PIWIL1: variants seen among roughly 807,000 people sequenced by gnomAD.
The protein encoded by PIWIL1 is piwi-like protein 1.
In PIWIL1, 73 loss-of-function variants were observed where a neutral mutation model predicts 114.4. The observed-to-expected ratio is 0.64, with a 90% CI of 0.53 to 0.78. The LOEUF (loss-of-function observed/expected upper bound fraction) is 0.78, where lower values mean the gene tolerates loss of function less well. PIWIL1 is among the 30% of genes least tolerant of loss of function. The pLI is 0.00. For missense variants in PIWIL1, 723 were observed against 1,063.1 expected (o/e 0.68, Z 4.45); for synonymous variants, 375 against 369.0 (o/e 1.02, Z -0.19).
chr12:130,389,172 T>C, the PIWIL1 span, among the ~76,000 whole-genome samples: 1 of 152,150 alleles, frequency 6.6e-6, no homozygotes, highest in Admixed American at 6.5e-5. Flanking sequence ...TGGTTCTTTT[T>C]TTTAAATATA....
chr12:130,357,215 G>C, intron 13 of PIWIL1, 110 bp downstream of exon 13: 2 of 892,978 alleles, frequency 2.2e-6, no homozygotes, highest in Non-Finnish European at 3.4e-6. Context: ...GTTTGATGTG[G>C]CTCCCTGTAA....
downstream of PIWIL1, among the ~76,000 whole-genome samples, chr12:130,374,491 C>G (rs145738252): frequency 1.2e-3 from 188 of 152,268 alleles, no homozygotes; most frequent in African/African-American, 3.7e-3. Flanking sequence ...CAAGAGTAGT[C>G]AGGAGGGAGT....
chr12:130,412,851 C>A, the PIWIL1 span: 1 of 1,455,926 alleles, frequency 6.9e-7, no homozygotes, highest in Non-Finnish European at 9.4e-7. Flanking sequence ...ACAATAGTCC[C>A]ACTGACGGTA....
chr12:130,365,914 C>T (rs533328069), intron 18 of PIWIL1, among the ~76,000 whole-genome samples: 58 of 152,212 alleles, frequency 3.8e-4, no homozygotes, highest in Non-Finnish European at 6.3e-4. Flanking sequence ...GCTATTAGCA[C>T]GGGCAGTCGC....
chr12:130,355,690 T>C lies in PIWIL1; in HGVS notation c.1404+23T>C, dbSNP rs149337316. ...ACAGTAAGGCAGTTTTTCGTTGGTG[T>C]TGTTGTTGTTTTTGAGACGGAGTCT... On this transcript the variant is annotated intron_variant, in intron 12 of 20. Transcript: ENST00000245255. 4 of 1,508,824 alleles carry C rather than the reference T, an allele frequency of 2.7e-6. No homozygotes were observed. In the South Asian group the frequency reaches 4.5e-5, roughly 17 times the overall value. 93.5% of individuals were successfully genotyped at this position (1,508,824 alleles called of 1,614,324 possible).
the PIWIL1 span, among the ~76,000 whole-genome samples, chr12:130,402,777 C>T: frequency 3.5e-4 from 53 of 152,336 alleles, no homozygotes; most frequent in African/African-American, 1.1e-3. Context: ...GACATCCACT[C>T]GTGTTTGCAC....
the PIWIL1 span, chr12:130,414,006 G>C: frequency 9.2e-7 from 1 of 1,086,890 alleles, no homozygotes; most frequent in South Asian, 1.4e-5. Flanking sequence ...CCCGTGCCTC[G>C]CCCATGGCCT....
the PIWIL1 span, among the ~76,000 whole-genome samples, chr12:130,379,476 TCATCCCAGTTCC>T: frequency 1.1e-5 from 1 of 88,022 alleles, no homozygotes. Context: ...TTCAATTCCC[TCATCCCAGTTCC>T]CATCCAAGCA....
At chr12:130,362,315 CA>C (rs1306590751) in intron 16 of PIWIL1, among the ~76,000 whole-genome samples, 17 of 152,146 alleles carry the variant, frequency 1.1e-4, no homozygotes, top group African/African-American at 4.1e-4. Context: ...TAAGTGAAAA[CA>C]GGTGGTATTT....
At position 130,348,445 on chromosome 12, in the gene PIWIL1, C is replaced by T. The variant is rs367923023; in HGVS notation, c.734+262C>T. 2.0e-5 allele frequency among the ~76,000 whole-genome samples: 3 copies of T among 152,240 alleles called. No individual in the cohort carries two copies. The South Asian group carries it at 6.2e-4, about 32-fold the overall frequency. On this transcript the variant is annotated intron_variant, in intron 7 of 20. Coordinates refer to ENST00000245255, the MANE Select transcript of PIWIL1 (RefSeq NM_004764.5). ...TTTGCCCTTAGGTAATAAAAATAAT[C>T]AGTTAATGTGGTGTATCAAGATTGC...
chr12:130,350,034 G>A, intron 9 of PIWIL1, 67 bp downstream of exon 9: 2 of 871,544 alleles, frequency 2.3e-6, no homozygotes, highest in South Asian at 3.1e-5. Flanking sequence ...TCTAACACTT[G>A]TTGCACATTT....
chr12:130,376,551 T>C (rs1390718564), downstream of PIWIL1, among the ~76,000 whole-genome samples: 3 of 152,246 alleles, frequency 2.0e-5, no homozygotes, highest in Admixed American at 6.5e-5. Context: ...CTGTGATTTC[T>C]TGAAGCCCTG....
chr12:130,391,490 C>A, the PIWIL1 span, among the ~76,000 whole-genome samples: 1 of 152,204 alleles, frequency 6.6e-6, no homozygotes, highest in Non-Finnish European at 1.5e-5. Context: ...CTCCCCCGTC[C>A]CTTTTCCTCC....
chr12:130,403,404 A>G, the PIWIL1 span, among the ~76,000 whole-genome samples: 8 of 152,228 alleles, frequency 5.3e-5, no homozygotes, highest in African/African-American at 1.2e-4. Context: ...AAGATAAAAC[A>G]TAACTGGGGA....
the PIWIL1 span, among the ~76,000 whole-genome samples, chr12:130,392,442 T>TGC: frequency 4.5e-4 from 3 of 6,654 alleles, no homozygotes; most frequent in African/African-American, 1.2e-3. Context: ...ATCACGTGTC[T>TGC]GTCAGTTACC....
chr12:130,349,465 AT>A, intron 8 of PIWIL1, 29 bp downstream of exon 8: 1 of 1,456,534 alleles, frequency 6.9e-7, no homozygotes, highest in Non-Finnish European at 9.6e-7. Context: ...GTGCACAATA[AT>A]TTTTTGTGAG....
At chr12:130,392,118 G>T in the PIWIL1 span, among the ~76,000 whole-genome samples, 5 of 123,532 alleles carry the variant, frequency 4.0e-5, no homozygotes, top group East Asian at 2.2e-4. Flanking sequence ...ACGTTGTGAT[G>T]ACCCGGTCAC....
chr12:130,347,117 T>C (rs577729481), intron 6 of PIWIL1, 55 bp downstream of exon 6: 1 of 1,275,498 alleles, frequency 7.8e-7, no homozygotes, highest in Admixed American at 1.8e-5. Flanking sequence ...GAAATAATTG[T>C]ACATTGAACA....
chr12:130,394,457 T>A, the PIWIL1 span, among the ~76,000 whole-genome samples: 1 of 152,202 alleles, frequency 6.6e-6, no homozygotes, highest in Non-Finnish European at 1.5e-5. Context: ...TTAAAAATGT[T>A]TAGAAGTATA....
Sources: gnomAD v4.1 joint callset for allele counts (sites outside exome capture counted in the v4.1 genomes callset) on GRCh38, gnomAD v4.1.1 for gene constraint, MANE v1.5 for transcripts, NCBI Gene and HGNC (gene_info 2026-07-23, HGNC 2026-07-21) for gene names.